The following REEP3 variants were observed in gnomAD, a reference collection of about 807,000 sequenced individuals.
REEP3 encodes the protein receptor accessory protein 3, also known as receptor expression-enhancing protein 3.
In REEP3, 20 loss-of-function variants were observed where a neutral mutation model predicts 41.3. The observed-to-expected ratio is 0.48, with a 90% CI of 0.34 to 0.70. REEP3 has a LOEUF of 0.70. REEP3 is among the 30% of genes least tolerant of loss of function. The probability of loss-of-function intolerance (pLI) is 0.01; values close to 1 mark genes in which losing one functional copy is unlikely to be tolerated. For synonymous variants in REEP3, 104 were observed against 101.8 expected (o/e 1.02, Z -0.13); for missense variants, 271 against 308.8 (o/e 0.88, Z 0.92).
At chr10:63,538,518 G>C (rs1955496490) in intron 1 of REEP3, among the ~76,000 whole-genome samples, 1 of 152,172 alleles carries the variant, frequency 6.6e-6, no homozygotes, top group African/African-American at 2.4e-5. Flanking sequence ...CGGATCACCT[G>C]ATGTCAGGAG....
intron 5 of REEP3, chr10:63,599,622 TTCTC>T (rs1426176683): frequency 2.3e-6 from 2 of 869,232 alleles, no homozygotes; most frequent in Non-Finnish European, 2.8e-6. Flanking sequence ...TTGGTGTTCT[TTCTC>T]TCTCTTTTTT....
At chr10:63,608,397 T>C (rs1956248008) in intron 5 of REEP3, among the ~76,000 whole-genome samples, 2 of 152,202 alleles carry the variant, frequency 1.3e-5, no homozygotes, top group South Asian at 2.1e-4. Context: ...CATAATATAT[T>C]ATTAACCCAA....
At chr10:63,548,726 GA>G (rs931544299) in intron 1 of REEP3, among the ~76,000 whole-genome samples, 38 of 147,920 alleles carry the variant, frequency 2.6e-4, no homozygotes, top group East Asian at 5.9e-4. Context: ...CCCTCCCATT[GA>G]AAAAAAAAAT....
chr10:63,590,394 G>A (rs530628709), intron 2 of REEP3, among the ~76,000 whole-genome samples: 2 of 152,246 alleles, frequency 1.3e-5, no homozygotes, highest in South Asian at 4.2e-4. Flanking sequence ...CTCAAGAATT[G>A]ACTAAATTAT....
chr10:63,617,134 C>G (rs1956318128), intron 6 of REEP3, among the ~76,000 whole-genome samples: 1 of 152,152 alleles, frequency 6.6e-6, no homozygotes, highest in Non-Finnish European at 1.5e-5. Flanking sequence ...CTCACTGCCT[C>G]TGTGCATGCT....
At chr10:63,535,852 A>G (rs1955468990) in intron 1 of REEP3, among the ~76,000 whole-genome samples, 1 of 152,366 alleles carries the variant, frequency 6.6e-6, no homozygotes, top group African/African-American at 2.4e-5. Flanking sequence ...TAAATGTATT[A>G]TCTGCCCAAG....
intron 5 of REEP3, among the ~76,000 whole-genome samples, chr10:63,607,998 G>A (rs1956244287): frequency 6.6e-6 from 1 of 152,176 alleles, no homozygotes; most frequent in Admixed American, 6.5e-5. Flanking sequence ...ATTGAGTAAA[G>A]GGTATCATGG....
At chr10:63,553,356 T>G (rs994560469) in intron 1 of REEP3, among the ~76,000 whole-genome samples, 1 of 152,078 alleles carries the variant, frequency 6.6e-6, no homozygotes, top group Non-Finnish European at 1.5e-5. Flanking sequence ...TAATTTTCAT[T>G]AAAAAGCGAT....
chr10:63,545,387 A>T (rs998339688), intron 1 of REEP3, among the ~76,000 whole-genome samples: 30 of 151,724 alleles, frequency 2.0e-4, no homozygotes, highest in African/African-American at 5.8e-4. Flanking sequence ...TTATTTATTT[A>T]TTTTTTTTGA....
chr10:63,531,276 T>A (rs1453470301), intron 1 of REEP3, among the ~76,000 whole-genome samples: 3 of 152,272 alleles, frequency 2.0e-5, no homozygotes, highest in African/African-American at 7.2e-5. Context: ...CATTTGAAGA[T>A]GTTTTAATAT....
intron 5 of REEP3, among the ~76,000 whole-genome samples, chr10:63,609,676 G>A (rs1310489783): frequency 2.0e-5 from 3 of 152,058 alleles, no homozygotes; most frequent in Non-Finnish European, 4.4e-5. Flanking sequence ...CAGGAGAAAC[G>A]TTTGAACCTG....
chr10:63,523,257 A>G (rs1589853020), intron 1 of REEP3, among the ~76,000 whole-genome samples: 1 of 152,294 alleles, frequency 6.6e-6, no homozygotes, highest in East Asian at 1.9e-4. Flanking sequence ...AGTTACACCC[A>G]CTCTAATACC....
intron 7 of REEP3, 33 bp from the exon 8 acceptor site, chr10:63,620,780 T>G: frequency 6.9e-7 from 1 of 1,438,972 alleles, no homozygotes; most frequent in Non-Finnish European, 9.6e-7. Flanking sequence ...AGTAATCATC[T>G]AATTCTTAAT....
At chr10:63,604,283 A>G (rs1956203173) in intron 5 of REEP3, among the ~76,000 whole-genome samples, 4 of 152,252 alleles carry the variant, frequency 2.6e-5, no homozygotes, top group African/African-American at 7.2e-5. Context: ...TGAGCAAAGC[A>G]TAAACATTTG....
chr10:63,549,847 A>G (rs1364975439), intron 1 of REEP3, among the ~76,000 whole-genome samples: 4 of 152,174 alleles, frequency 2.6e-5, no homozygotes, highest in Admixed American at 6.5e-5. Flanking sequence ...CATTCCAGCT[A>G]AGAATCATAA....
chr10:63,579,026 CT>C (rs748885393), intron 2 of REEP3, among the ~76,000 whole-genome samples: 59 of 139,646 alleles, frequency 4.2e-4, no homozygotes, highest in Middle Eastern at 3.9e-3. Context: ...ATATTCTTCA[CT>C]ATGTGTTTTT....
intron 6 of REEP3, 36 bp downstream of exon 6, chr10:63,610,370 A>G (rs1199922226): frequency 6.5e-7 from 1 of 1,544,866 alleles, no homozygotes; most frequent in Non-Finnish European, 8.8e-7. Flanking sequence ...GTTCTTTTAC[A>G]TGGAAACAGG....
intron 1 of REEP3, among the ~76,000 whole-genome samples, chr10:63,543,489 A>G (rs1955550056): frequency 6.7e-6 from 1 of 149,402 alleles, no homozygotes; most frequent in Non-Finnish European, 1.5e-5. Flanking sequence ...TTTAGAGACA[A>G]GGTCTAACTA....
intron 1 of REEP3, among the ~76,000 whole-genome samples, chr10:63,523,780 G>A (rs1397037017): frequency 6.6e-6 from 1 of 152,212 alleles, no homozygotes; most frequent in East Asian, 1.9e-4. Flanking sequence ...GACTCGGGTG[G>A]GGAAAAAGCA....
Sources: gnomAD v4.1 joint callset for allele counts (sites outside exome capture counted in the v4.1 genomes callset) on GRCh38, gnomAD v4.1.1 for gene constraint, MANE v1.5 for transcripts, NCBI Gene and HGNC (gene_info 2026-07-23, HGNC 2026-07-21) for gene names.